SEMA6D: variants seen among roughly 807,000 people sequenced by gnomAD.
SEMA6D encodes semaphorin-6D.
A neutral mutation model predicts 106.6 loss-of-function variants in SEMA6D; 35 were observed. The ratio of observed to expected loss-of-function variants is 0.33; its 90% CI spans 0.25 to 0.44. SEMA6D has a LOEUF of 0.44. Among genes scored for constraint, SEMA6D ranks in the 20% least tolerant of loss-of-function variants. The pLI is 1.00. For missense variants in SEMA6D, 1,185 were observed against 1,345.9 expected (o/e 0.88, Z 1.87); for synonymous variants, 499 against 487.7 (o/e 1.02, Z -0.31).
chr15:47,732,874 C>T (rs1275492423), intron 1 of SEMA6D, among the ~76,000 whole-genome samples: 2 of 152,192 alleles, frequency 1.3e-5, no homozygotes, highest in Non-Finnish European at 2.9e-5. Flanking sequence ...TTTCACTATA[C>T]TTCCATATTT....
intron 1 of SEMA6D, among the ~76,000 whole-genome samples, chr15:47,188,720 T>C (rs1893742032): frequency 6.6e-6 from 1 of 152,216 alleles, no homozygotes; most frequent in Non-Finnish European, 1.5e-5. Context: ...CTTTTTCAAT[T>C]GTGGAAGAAG....
chr15:47,324,741 C>T (rs2143816887), intron 1 of SEMA6D, among the ~76,000 whole-genome samples: 1 of 150,896 alleles, frequency 6.6e-6, no homozygotes, highest in Non-Finnish European at 1.5e-5. Context: ...TGAATGTGTG[C>T]ACATACGTGT....
chr15:47,185,215 G>T (rs561393133), intron 1 of SEMA6D, among the ~76,000 whole-genome samples: 1 of 152,208 alleles, frequency 6.6e-6, no homozygotes, highest in Non-Finnish European at 1.5e-5. Flanking sequence ...CAAGGCTGCC[G>T]GGAGGGAAAA....
At chr15:47,734,842 C>G (rs949435721) in intron 1 of SEMA6D, among the ~76,000 whole-genome samples, 1 of 152,214 alleles carries the variant, frequency 6.6e-6, no homozygotes, top group African/African-American at 2.4e-5. Flanking sequence ...GAAATTAGCA[C>G]TCTTCTTGAG....
At chr15:47,309,153 C>A (rs577928601) in intron 1 of SEMA6D, among the ~76,000 whole-genome samples, 11 of 152,234 alleles carry the variant, frequency 7.2e-5, no homozygotes, top group African/African-American at 2.6e-4. Flanking sequence ...TACAGTAGTC[C>A]CCCCCATCAG....
In SEMA6D at chr15:47,737,749, A is replaced by G. The variant is rs184511526; in HGVS notation, c.-55+20057A>G. On this transcript the variant is annotated intron_variant, in intron 1 of 18. Coordinates refer to ENST00000536845, the MANE Select transcript of SEMA6D (RefSeq NM_001358351.3). ...AATAAGTTTCGTTTTTTTCCTTCCTACTTTAGACTATTTGCTAAGGGTAAA... is the reference window on the plus strand; with the variant it reads ...AATAAGTTTCGTTTTTTTCCTTCCTGCTTTAGACTATTTGCTAAGGGTAAA... Among the ~76,000 whole-genome samples the G allele has an allele frequency of 5.9e-3, 898 of 152,164 alleles. 6 individuals carry two copies. Among genetic ancestry groups the G allele is most frequent in the Admixed American group, 0.02 (312 of 15,290 alleles).
intron 1 of SEMA6D, among the ~76,000 whole-genome samples, chr15:47,344,202 A>G (rs538753945): frequency 5.3e-5 from 8 of 152,262 alleles, no homozygotes; most frequent in African/African-American, 1.9e-4. Context: ...TTTTTTACTT[A>G]AAATTATTTT....
At chr15:47,510,431 C>T (rs927131749) in intron 3 of SEMA6D, among the ~76,000 whole-genome samples, 2 of 152,154 alleles carry the variant, frequency 1.3e-5, no homozygotes, top group Non-Finnish European at 2.9e-5. Flanking sequence ...CTACTGTTGT[C>T]TCTCCCAACC....
At chr15:47,490,662 C>G (rs2043445052) in intron 3 of SEMA6D, among the ~76,000 whole-genome samples, 1 of 151,938 alleles carries the variant, frequency 6.6e-6, no homozygotes, top group Admixed American at 6.6e-5. Context: ...AATAATAATA[C>G]AAATAGAAGC....
At chr15:47,591,572 C>G (rs1371536179) in intron 3 of SEMA6D, among the ~76,000 whole-genome samples, 1 of 152,168 alleles carries the variant, frequency 6.6e-6, no homozygotes, top group Non-Finnish European at 1.5e-5. Context: ...GTGGAAGGAA[C>G]AAGACTTCTA....
chr15:47,767,689 A>C (rs1407946249), intron 17 of SEMA6D, among the ~76,000 whole-genome samples: 2 of 152,140 alleles, frequency 1.3e-5, no homozygotes, highest in Non-Finnish European at 2.9e-5. Flanking sequence ...TCCTTCTGTT[A>C]ACTGTTGCAC....
intron 3 of SEMA6D, among the ~76,000 whole-genome samples, chr15:47,527,032 C>A (rs558846930): frequency 6.0e-4 from 91 of 152,216 alleles, no homozygotes; most frequent in African/African-American, 2.1e-3. Flanking sequence ...CCACTGCACC[C>A]GGCCTGAACC....
chr15:47,411,738 T>G (rs1171669404), intron 1 of SEMA6D, among the ~76,000 whole-genome samples: 1 of 152,168 alleles, frequency 6.6e-6, no homozygotes, highest in Non-Finnish European at 1.5e-5. Context: ...GTTTCTTGAG[T>G]GCTTCCATGG....
chr15:47,656,328 C>T (rs1428567783), intron 4 of SEMA6D, among the ~76,000 whole-genome samples: 1 of 152,154 alleles, frequency 6.6e-6, no homozygotes, highest in Non-Finnish European at 1.5e-5. Context: ...AACAATGGTT[C>T]AGTATTTGCT....
intron 18 of SEMA6D, among the ~76,000 whole-genome samples, chr15:47,769,768 A>T (rs1232887483): frequency 6.6e-6 from 1 of 152,180 alleles, no homozygotes; most frequent in Non-Finnish European, 1.5e-5. Flanking sequence ...ATTATAAACT[A>T]ATTTGCTCTT....
chr15:47,623,018 A>C (rs2077135956), intron 4 of SEMA6D, among the ~76,000 whole-genome samples: 1 of 152,068 alleles, frequency 6.6e-6, no homozygotes, highest in African/African-American at 2.4e-5. Flanking sequence ...TCCACTACCC[A>C]CTGTAGTGAC....
chr15:47,418,459 A>G (rs1018679643), intron 2 of SEMA6D, among the ~76,000 whole-genome samples: 1 of 151,976 alleles, frequency 6.6e-6, no homozygotes, highest in African/African-American at 2.4e-5. Context: ...GTGAGGGCCC[A>G]TTTTCTTGTT....
intron 1 of SEMA6D, among the ~76,000 whole-genome samples, chr15:47,205,279 A>C (rs898613613): frequency 6.6e-6 from 1 of 152,154 alleles, no homozygotes; most frequent in Non-Finnish European, 1.5e-5. Flanking sequence ...TGAATTTTGA[A>C]AATTTGATGT....
intron 1 of SEMA6D, among the ~76,000 whole-genome samples, chr15:47,212,630 A>G (rs1262387894): frequency 2.0e-5 from 3 of 152,200 alleles, no homozygotes; most frequent in Admixed American, 1.3e-4. Flanking sequence ...TTAAGTCTAT[A>G]CTGTTTCTCA....
Sources: gnomAD v4.1 joint callset for allele counts (sites outside exome capture counted in the v4.1 genomes callset) on GRCh38, gnomAD v4.1.1 for gene constraint, MANE v1.5 for transcripts, NCBI Gene and HGNC (gene_info 2026-07-23, HGNC 2026-07-21) for gene names.